The following RNFT2 variants were observed in gnomAD, a reference collection of about 807,000 sequenced individuals.
RNFT2 encodes the protein ring finger protein, transmembrane 2.
Under a neutral mutation model 53.0 loss-of-function variants are expected in RNFT2, and 36 were observed. The ratio of observed to expected loss-of-function variants is 0.68; its 90% CI spans 0.52 to 0.90. RNFT2 has a LOEUF of 0.90. Ranked by LOEUF, RNFT2 falls within the 40% of genes least tolerant of loss-of-function variation. The probability of loss-of-function intolerance (pLI) is 0.00; values close to 1 mark genes in which losing one functional copy is unlikely to be tolerated. For missense variants in RNFT2, 514 were observed against 585.6 expected (o/e 0.88, Z 1.26); for synonymous variants, 260 against 253.2 (o/e 1.03, Z -0.26).
At chr12:116,833,274 G>T (rs905250488) in intron 7 of RNFT2, among the ~76,000 whole-genome samples, 1 of 152,162 alleles carries the variant, frequency 6.6e-6, no homozygotes, top group Non-Finnish European at 1.5e-5. Flanking sequence ...AAGAGAGCAG[G>T]TGGTGGAGCT....
rs141430372 is a variant in RNFT2 at position 116,747,918 on chromosome 12, C to T, written c.84-1923C>T. Among the ~76,000 whole-genome samples the T allele has an allele frequency of 4.1e-3, 631 of 152,088 alleles. 7 individuals are homozygous for T. The highest frequency in any genetic ancestry group is 0.014 in the African/African-American group (583 of 41,492). On this transcript the variant is annotated intron_variant, in intron 3 of 10. Coordinates refer to ENST00000257575, the MANE Select transcript of RNFT2 (RefSeq NM_001382266.1). The stretch of plus-strand genomic sequence containing the variant: ...AAGAGGATGAACCCTCGGCCGGGCA[C>T]GGTGGCTCATGCCTGTAATCCCAGC...
chr12:116,789,734 T>C (rs1178214505), intron 7 of RNFT2, among the ~76,000 whole-genome samples: 2 of 143,720 alleles, frequency 1.4e-5, no homozygotes, highest in African/African-American at 5.3e-5. Flanking sequence ...GATGGATGGA[T>C]GGATGGGTGG....
chr12:116,751,136 A>C (rs960002322), intron 4 of RNFT2, among the ~76,000 whole-genome samples: 2 of 150,280 alleles, frequency 1.3e-5, no homozygotes, highest in African/African-American at 4.9e-5. Flanking sequence ...GGCTGGTCTC[A>C]AATTCCTGGG....
At position 116,852,271 on chromosome 12, in the gene RNFT2, A is replaced by G. The variant is rs1490014446; in HGVS notation, c.*2823A>G. 4.0e-6 allele frequency: 5 copies of G among 1,256,640 alleles called. No individual in the cohort carries two copies. The highest frequency in any genetic ancestry group is 7.2e-5 in the East Asian group (2 of 27,912). 77.8% of individuals were successfully genotyped at this position (1,256,640 alleles called of 1,614,324 possible). A position where few individuals can be genotyped will look rare whatever the true frequency, so the allele number is the denominator to read the frequency against. ...ACCATGCAAGCCCCAGGAGAAATGG[A>G]GGAGCTTTGTAGCCACCTCGCTGTC... On this transcript the variant is annotated 3_prime_UTR_variant, in exon 11 of 11. Coordinates refer to ENST00000257575, the MANE Select transcript of RNFT2 (RefSeq NM_001382266.1).
intron 5 of RNFT2, chr12:116,755,904 C>T (rs1424096167): frequency 3.1e-5 from 40 of 1,291,368 alleles, no homozygotes; most frequent in Admixed American, 1.7e-4. Context: ...ATGGCAGTTC[C>T]GGCTGAAAGG....
chr12:116,813,364 T>C (rs1207117893), intron 7 of RNFT2, among the ~76,000 whole-genome samples: 1 of 152,190 alleles, frequency 6.6e-6, no homozygotes, highest in East Asian at 1.9e-4. Context: ...TGAATCATGC[T>C]CTTGTTCTCT....
chr12:116,822,452 C>T (rs866558156), intron 7 of RNFT2, among the ~76,000 whole-genome samples: 17 of 152,060 alleles, frequency 1.1e-4, no homozygotes, highest in African/African-American at 3.1e-4. Flanking sequence ...TTTCCAGCTG[C>T]GTCACCTGGG....
intron 6 of RNFT2, among the ~76,000 whole-genome samples, chr12:116,778,585 T>G (rs1347252986): frequency 1.3e-5 from 2 of 152,272 alleles, no homozygotes; most frequent in African/African-American, 4.8e-5. Flanking sequence ...CAGCAGTGGC[T>G]TACGCCTGTA....
chr12:116,763,624 A>AC (rs1344054777), intron 5 of RNFT2, among the ~76,000 whole-genome samples: 1 of 150,224 alleles, frequency 6.7e-6, no homozygotes, highest in Non-Finnish European at 1.5e-5. Flanking sequence ...AATAACAAAA[A>AC]AAAAATTAGC....
Position 116,849,656 on chromosome 12 carries a change from C to G in RNFT2, c.*208C>G, listed in dbSNP as rs1877812526. 3 of 1,278,454 alleles carry G rather than the reference C, an allele frequency of 2.3e-6. No individual in the cohort carries two copies. Among genetic ancestry groups the G allele is most frequent in the Non-Finnish European group, 3.0e-6 (3 of 1,010,526 alleles). 79.2% of individuals were successfully genotyped at this position (1,278,454 alleles called of 1,614,324 possible). A position where few individuals can be genotyped will look rare whatever the true frequency, so the allele number is the denominator to read the frequency against. ...TGTGGTATAGTGCGTGCCTCCTTCC[C>G]CTGCAAAAGGGGACGTCTTCCTAAC... On this transcript the variant is annotated 3_prime_UTR_variant, in exon 11 of 11. Coordinates refer to ENST00000257575, the MANE Select transcript of RNFT2 (RefSeq NM_001382266.1).
At chr12:116,764,436 C>T (rs1046646797) in intron 5 of RNFT2, among the ~76,000 whole-genome samples, 4 of 152,194 alleles carry the variant, frequency 2.6e-5, no homozygotes, top group Non-Finnish European at 4.4e-5. Flanking sequence ...ATAGCATCGT[C>T]TGCTTTCTCA....
chr12:116,781,911 T>C (rs1873717266), intron 7 of RNFT2, among the ~76,000 whole-genome samples: 2 of 151,684 alleles, frequency 1.3e-5, no homozygotes, highest in Admixed American at 6.6e-5. Flanking sequence ...ACCCCGTCTC[T>C]ACTAAAAATA....
chr12:116,841,958 TAGAG>T (rs71099003), intron 10 of RNFT2, among the ~76,000 whole-genome samples: 244 of 6,380 alleles, frequency 0.038, 9 homozygotes, highest in Non-Finnish European at 0.058. Flanking sequence ...AATATATATA[TAGAG>T]AGAGAGAGAG....
chr12:116,763,564 C>T (rs545573133), intron 5 of RNFT2, among the ~76,000 whole-genome samples: 235 of 150,560 alleles, frequency 1.6e-3, no homozygotes, highest in African/African-American at 5.1e-3. Flanking sequence ...GTCAGGAGAT[C>T]GAGACCATCC....
At chr12:116,775,280 G>A (rs1285881640) in intron 6 of RNFT2, among the ~76,000 whole-genome samples, 2 of 80,344 alleles carry the variant, frequency 2.5e-5, no homozygotes, top group African/African-American at 4.3e-5. Context: ...AAAAAAAAAA[G>A]AGAGAGAGAA....
At chr12:116,768,736 CTT>C (rs1555260486) in intron 6 of RNFT2, among the ~76,000 whole-genome samples, 3 of 142,870 alleles carry the variant, frequency 2.1e-5, no homozygotes, top group Admixed American at 7.0e-5. Flanking sequence ...TTTTCTCTCT[CTT>C]TTTTTTTTTT....
intron 7 of RNFT2, among the ~76,000 whole-genome samples, chr12:116,790,538 G>A (rs184205438): frequency 6.6e-6 from 1 of 152,364 alleles, no homozygotes; most frequent in East Asian, 1.9e-4. Flanking sequence ...CAGCCAGTGT[G>A]GGGCCAGCCT....
intron 7 of RNFT2, among the ~76,000 whole-genome samples, chr12:116,787,427 A>G (rs943582614): frequency 1.3e-4 from 20 of 152,218 alleles, no homozygotes; most frequent in Non-Finnish European, 2.9e-4. Context: ...AAAAGACTTG[A>G]CAGGGCACAG....
intron 6 of RNFT2, among the ~76,000 whole-genome samples, chr12:116,776,980 C>T (rs542861459): frequency 7.5e-5 from 11 of 147,250 alleles, no homozygotes; most frequent in Non-Finnish European, 1.5e-4. Context: ...TACAGTGGCA[C>T]GATCTCGGCT....
Sources: gnomAD v4.1 joint callset for allele counts (sites outside exome capture counted in the v4.1 genomes callset) on GRCh38, gnomAD v4.1.1 for gene constraint, MANE v1.5 for transcripts, NCBI Gene and HGNC (gene_info 2026-07-23, HGNC 2026-07-21) for gene names.